Variants in ARHGEF10L observed in about 807,000 individuals in gnomAD.
ARHGEF10L encodes rho guanine nucleotide exchange factor 10-like protein.
A neutral mutation model predicts 141.2 loss-of-function variants in ARHGEF10L; 69 were observed. The ratio of observed to expected loss-of-function variants is 0.49; its 90% CI spans 0.40 to 0.60. The LOEUF is 0.60. Among genes scored for constraint, ARHGEF10L ranks in the 20% least tolerant of loss-of-function variants. The pLI, the probability that ARHGEF10L is intolerant of heterozygous loss-of-function variation, is 0.00. For synonymous variants in ARHGEF10L, 711 were observed against 718.5 expected, an observed-to-expected ratio of 0.99 and a Z score of 0.17; for missense variants, 1,482 against 1,734.3, an observed-to-expected ratio of 0.85 and a Z score of 2.58.
At chr1:17,523,994 C>G in the ARHGEF10L span, among the ~76,000 whole-genome samples, 2 of 152,178 alleles carry the variant, frequency 1.3e-5, no homozygotes, top group Non-Finnish European at 2.9e-5. Flanking sequence ...CTTGGACCTC[C>G]GGATATGGGT....
intron 27 of ARHGEF10L, chr1:17,694,452 AGG>A (rs2065340369): frequency 5.7e-6 from 1 of 173,982 alleles, no homozygotes; most frequent in Non-Finnish European, 1.2e-5. Context: ...TGTTAGGAGC[AGG>A]GGCCTGCCCC....
intron 28 of ARHGEF10L, 75 bp from the exon 29 acceptor site, chr1:17,696,773 A>G: frequency 7.1e-7 from 1 of 1,416,890 alleles, no homozygotes; most frequent in Non-Finnish European, 9.5e-7. Flanking sequence ...AATGTTCTCC[A>G]GGAGAGAGAC....
intron 21 of ARHGEF10L, among the ~76,000 whole-genome samples, chr1:17,648,216 C>T (rs922811559): frequency 3.3e-5 from 5 of 152,166 alleles, no homozygotes; most frequent in Non-Finnish European, 7.4e-5. Context: ...TTCATTTGGT[C>T]CTCACAACAA....
rs982620321 is a variant in ARHGEF10L at position 17,642,985 on chromosome 1, G to A, written c.2272+2683G>A. ...ATTCGGGCAGCCCCAGCTCTTGGCA[G>A]CCTGTGAAGATGCTGGGCTGCCTTA... On this transcript the variant is annotated intron_variant, in intron 21 of 28. Coordinates refer to ENST00000361221, the MANE Select transcript of ARHGEF10L (RefSeq NM_018125.4). Among the ~76,000 whole-genome samples the A allele has an allele frequency of 7.5e-4, 115 of 152,348 alleles. 1 individual carries two copies. Among genetic ancestry groups the A allele is most frequent in the Non-Finnish European group, 4.7e-4 (32 of 68,040 alleles).
chr1:17,535,954 C>G (rs2076570442), upstream of ARHGEF10L, among the ~76,000 whole-genome samples: 1 of 152,210 alleles, frequency 6.6e-6, no homozygotes, highest in Non-Finnish European at 1.5e-5. Context: ...AAACATGCCA[C>G]CACATGTGGT....
the ARHGEF10L span, among the ~76,000 whole-genome samples, chr1:17,517,325 T>G: frequency 6.6e-6 from 1 of 152,144 alleles, no homozygotes; most frequent in African/African-American, 2.4e-5. Flanking sequence ...GAGAGGTGTT[T>G]TTTATTATTA....
At chr1:17,560,298 C>G (rs2077494546) in intron 1 of ARHGEF10L, among the ~76,000 whole-genome samples, 1 of 152,152 alleles carries the variant, frequency 6.6e-6, no homozygotes, top group South Asian at 2.1e-4. Flanking sequence ...TGGCTAGAAC[C>G]CAGGAGTGCC....
the ARHGEF10L span, among the ~76,000 whole-genome samples, chr1:17,517,023 C>T: frequency 6.6e-6 from 1 of 152,230 alleles, no homozygotes; most frequent in Non-Finnish European, 1.5e-5. Context: ...CAAATCTGGG[C>T]AGTCTGACTC....
chr1:17,638,419 G>C, intron 19 of ARHGEF10L, 143 bp from the exon 20 acceptor site: 2 of 1,247,308 alleles, frequency 1.6e-6, no homozygotes, highest in East Asian at 4.9e-5. Flanking sequence ...CTCCTGCGTG[G>C]GGCTAAATGT....
chr1:17,570,823 G>A (rs2077965413), intron 1 of ARHGEF10L, among the ~76,000 whole-genome samples: 4 of 151,566 alleles, frequency 2.6e-5, no homozygotes. Context: ...GGTAGAGCCA[G>A]CAGGTTTGCT....
At chr1:17,572,966 C>G (rs2078065982) in intron 1 of ARHGEF10L, among the ~76,000 whole-genome samples, 2 of 152,286 alleles carry the variant, frequency 1.3e-5, no homozygotes, top group Non-Finnish European at 2.9e-5. Context: ...ACCCTGATGC[C>G]TGGGGAGTGG....
chr1:17,576,249 A>T (rs1461673299), intron 1 of ARHGEF10L, among the ~76,000 whole-genome samples: 1 of 152,046 alleles, frequency 6.6e-6, no homozygotes, highest in African/African-American at 2.4e-5. Flanking sequence ...CTCTGGGCAG[A>T]TGGACTTTGA....
At chr1:17,638,825 G>A in intron 20 of ARHGEF10L, 136 bp downstream of exon 20, 2 of 1,310,358 alleles carry the variant, frequency 1.5e-6, no homozygotes, top group South Asian at 1.5e-5. Context: ...AGGCATCGTG[G>A]GCCATGTCTG....
At chr1:17,539,683 G>GGCGGGGGCGGCGCCGCGTCGCGC (rs2076642374), upstream of ARHGEF10L, among the ~76,000 whole-genome samples, 1 of 146,918 alleles carries the variant, frequency 6.8e-6, no homozygotes, top group Non-Finnish European at 1.5e-5. This position sits in a 1 kb window ranked among gnomAD's most constrained non-coding sequence, Gnocchi z 6.0. Context: ...GGACCGGGCG[G>GGCGGGGGCGGCGCCGCGTCGCGC]GCGGGGGCGG....
At chr1:17,527,971 C>T in the ARHGEF10L span, among the ~76,000 whole-genome samples, 4 of 151,322 alleles carry the variant, frequency 2.6e-5, no homozygotes, top group Non-Finnish European at 4.4e-5. Flanking sequence ...TGGGTTCAAG[C>T]GATTCTCCTG....
chr1:17,582,887 T>C (rs1260228735), intron 2 of ARHGEF10L, among the ~76,000 whole-genome samples: 1 of 152,070 alleles, frequency 6.6e-6, no homozygotes, highest in Non-Finnish European at 1.5e-5. Context: ...TGCTGGGAGC[T>C]GCTCACTGCA....
intron 1 of ARHGEF10L, among the ~76,000 whole-genome samples, chr1:17,569,248 C>T (rs757285619): frequency 1.3e-5 from 2 of 152,184 alleles, no homozygotes; most frequent in Non-Finnish European, 2.9e-5. Context: ...AGCCAACTCC[C>T]GCCAGAGGTG....
chr1:17,597,322 C>T (rs2080206149), intron 4 of ARHGEF10L, among the ~76,000 whole-genome samples: 1 of 151,992 alleles, frequency 6.6e-6, no homozygotes, highest in Admixed American at 6.6e-5. Context: ...AGTGTTTGTT[C>T]ACAGGGAGAA....
the ARHGEF10L span, among the ~76,000 whole-genome samples, chr1:17,518,872 C>T: frequency 6.7e-6 from 1 of 150,214 alleles, no homozygotes; most frequent in Non-Finnish European, 1.5e-5. Context: ...GTCCCTCTGC[C>T]CTTAAGCAGC....
Sources: allele counts gnomAD v4.1 joint callset (sites outside exome capture counted in the v4.1 genomes callset), GRCh38; gene constraint gnomAD v4.1.1; non-coding constraint Gnocchi (gnomAD v3.1); transcripts MANE v1.5; gene names NCBI Gene and HGNC (gene_info 2026-07-23, HGNC 2026-07-21).